The following TTC6 variants were observed in gnomAD, a reference collection of about 807,000 sequenced individuals.
TTC6 encodes tetratricopeptide repeat domain 6.
Under a neutral mutation model 210.4 loss-of-function variants are expected in TTC6, and 172 were observed. The ratio of observed to expected loss-of-function variants is 0.82; its 90% CI spans 0.72 to 0.93. The LOEUF (loss-of-function observed/expected upper bound fraction) is 0.93, where lower values mean the gene tolerates loss of function less well. Ranked by LOEUF, TTC6 falls within the 40% of genes least tolerant of loss-of-function variation. TTC6 has a pLI of 0.00. For synonymous variants in TTC6, 804 were observed against 819.6 expected (o/e 0.98, Z 0.32); for missense variants, 2,414 against 2,318.1 (o/e 1.04, Z -0.85).
chr14:37,720,913 T>C (rs1421179476), intron 6 of TTC6, among the ~76,000 whole-genome samples: 1 of 152,122 alleles, frequency 6.6e-6, no homozygotes, highest in Non-Finnish European at 1.5e-5. Context: ...GACTGTTTCA[T>C]GTCAACATGT....
exon 25 of TTC6, chr14:37,812,401 G>A (rs143081195): frequency 2.5e-5 from 40 of 1,612,558 alleles, no homozygotes; most frequent in African/African-American, 1.9e-4. Flanking sequence ...ACTCATCTAC[G>A]TAGAACTAGG....
At chr14:37,828,052 T>C (rs1364857392) in intron 29 of TTC6, 1 of 152,060 alleles carries the variant, frequency 6.6e-6, no homozygotes, top group Non-Finnish European at 1.5e-5. Context: ...CTCACCTTAA[T>C]TTATACTTTT....
At chr14:37,825,565 C>T (rs979069911) in intron 27 of TTC6, among the ~76,000 whole-genome samples, 3 of 152,138 alleles carry the variant, frequency 2.0e-5, no homozygotes, top group South Asian at 4.1e-4. Flanking sequence ...CTGGTCTTCT[C>T]TAGGAAGCAC....
At position 37,630,907 on chromosome 14, in the gene TTC6, G is replaced by GTTTT. The variant is rs746429138; in HGVS notation, c.939+7941_939+7944dup. Among the ~76,000 whole-genome samples, 11 of 33,070 alleles carry GTTTT rather than the reference G, an allele frequency of 3.3e-4. 1 individual carries two copies. The highest frequency in any genetic ancestry group is 4.1e-4 in the Non-Finnish European group (8 of 19,468). The allele number at this position is 33,070 out of a possible 152,430, so 21.7% of individuals were successfully genotyped here. A position where few individuals can be genotyped will look rare whatever the true frequency, so the allele number is the denominator to read the frequency against. On this transcript the variant is annotated intron_variant, in intron 1 of 30. Coordinates refer to ENST00000553443, the Ensembl canonical transcript of TTC6. ...GTCAGAGACTAGGATGGCAACCCCT[G>GTTTT]TTTTTTTTTTTTTTTTTTTTTTTTT...
intron 5 of TTC6, among the ~76,000 whole-genome samples, chr14:37,712,900 T>C (rs1299184076): frequency 6.6e-6 from 1 of 152,068 alleles, no homozygotes; most frequent in Non-Finnish European, 1.5e-5. Context: ...GTAATGGGAA[T>C]TTGGTGTTTT....
intron 1 of TTC6, among the ~76,000 whole-genome samples, chr14:37,647,093 A>T (rs2095702935): frequency 6.6e-6 from 1 of 151,986 alleles, no homozygotes. Flanking sequence ...TCTCTCACCC[A>T]CTGGCCAGAA....
chr14:37,796,287 C>G lies in TTC6; in HGVS notation c.3792-7C>G. ...TGCTTAGAATCAAAATCGATTATTT[C>G]TTCCAGAGGACAATATCTTCTTATG... On this transcript the variant is annotated splice_region_variant and splice_polypyrimidine_tract_variant and intron_variant, in intron 18 of 30. Coordinates refer to ENST00000553443, the Ensembl canonical transcript of TTC6. The G allele has an allele frequency of 1.7e-6, 2 of 1,208,592 alleles. No individual in the cohort carries two copies. Among genetic ancestry groups the G allele is most frequent in the Non-Finnish European group, 2.3e-6 (2 of 861,692 alleles). 74.9% of individuals were successfully genotyped at this position (1,208,592 alleles called of 1,614,324 possible).
intron 1 of TTC6, among the ~76,000 whole-genome samples, chr14:37,659,153 G>A (rs926573846): frequency 6.6e-6 from 1 of 151,808 alleles, no homozygotes; most frequent in Non-Finnish European, 1.5e-5. Context: ...TGGTATATAC[G>A]TACCACATTT....
intron 6 of TTC6, among the ~76,000 whole-genome samples, chr14:37,716,411 C>T (rs780148767): frequency 1.3e-5 from 2 of 151,920 alleles, no homozygotes; most frequent in African/African-American, 2.4e-5. Context: ...TGGATTAAAA[C>T]ACATGACCCA....
intron 1 of TTC6, among the ~76,000 whole-genome samples, chr14:37,605,821 T>A (rs1358245446): frequency 2.0e-5 from 3 of 152,126 alleles, no homozygotes; most frequent in Admixed American, 6.5e-5. Flanking sequence ...CCTGGCCAAG[T>A]ACACCTGCTT....
Position 37,642,897 on chromosome 14 carries a change from A to G in TTC6, c.939+19894A>G, listed in dbSNP as rs900344299. ...ACAGTGTAACTAATGTATCTAAACT[A>G]TGTAAACATAGAAAAGATAGAGTAA... On this transcript the variant is annotated intron_variant, in intron 1 of 30. Transcript: ENST00000553443. Among the ~76,000 whole-genome samples the G allele has an allele frequency of 2.0e-5, 3 of 152,238 alleles. No individual in the cohort carries two copies. The East Asian group carries it at 5.8e-4, about 29-fold the overall frequency.
rs569994419 is a variant in TTC6, at chr14:37,817,914, G to C, written c.4763+263G>C. On this transcript the variant is annotated intron_variant, in intron 26 of 30. Transcript: ENST00000553443. ...AATGCTTCCATCATGGCATTGGGCA[G>C]AGTTCACCTGATCCAAGCATAGGTG... 3.6e-4 allele frequency among the ~76,000 whole-genome samples: 55 copies of C among 152,306 alleles called. 1 individual carries two copies. The highest frequency in any genetic ancestry group is 1.2e-3 in the African/African-American group (51 of 41,576).
At chr14:37,732,256 C>T (rs1379290810) in intron 7 of TTC6, among the ~76,000 whole-genome samples, 2 of 137,630 alleles carry the variant, frequency 1.5e-5, no homozygotes, top group African/African-American at 2.8e-5. Context: ...GATCTAGGCT[C>T]ACTGCAAGCT....
chr14:37,672,821 A>ATTTTTTTTTTGTTTTTTTTTTTTTTTTT (rs2095760944), intron 1 of TTC6, among the ~76,000 whole-genome samples: 1 of 129,024 alleles, frequency 7.8e-6, no homozygotes, highest in African/African-American at 3.1e-5. Flanking sequence ...TGAATTCCTC[A>ATTTTTTTTTTGTTTTTTTTTTTTTTTTT]TTTTTTTTTT....
intron 14 of TTC6, among the ~76,000 whole-genome samples, chr14:37,778,108 A>G (rs1336999274): frequency 1.3e-5 from 2 of 151,430 alleles, no homozygotes; most frequent in African/African-American, 2.4e-5. Flanking sequence ...TGCCAGCAGC[A>G]GTGGCGGTAC....
chr14:37,707,303 A>G (rs965062656), intron 5 of TTC6, among the ~76,000 whole-genome samples: 2 of 152,048 alleles, frequency 1.3e-5, no homozygotes, highest in Non-Finnish European at 2.9e-5. Flanking sequence ...ATAGTACACT[A>G]TATTTCAGTA....
At chr14:37,678,251 C>T (rs1316188669) in intron 1 of TTC6, among the ~76,000 whole-genome samples, 1 of 152,114 alleles carries the variant, frequency 6.6e-6, no homozygotes, top group African/African-American at 2.4e-5. Context: ...GTTAATTTAG[C>T]ATGACTACTA....
At chr14:37,702,418 T>C (rs2138687317) in intron 5 of TTC6, among the ~76,000 whole-genome samples, 1 of 152,270 alleles carries the variant, frequency 6.6e-6, no homozygotes, top group East Asian at 1.9e-4. Context: ...TGAATGTATG[T>C]GCTTTATAAA....
intron 14 of TTC6, among the ~76,000 whole-genome samples, chr14:37,773,221 G>A (rs1295881993): frequency 6.6e-6 from 1 of 152,108 alleles, no homozygotes; most frequent in African/African-American, 2.4e-5. Flanking sequence ...TAGGTTGTCT[G>A]TTTACTCTGT....
Sources: gnomAD v4.1 joint callset for allele counts (sites outside exome capture counted in the v4.1 genomes callset) on GRCh38, gnomAD v4.1.1 for gene constraint, MANE v1.5 for transcripts, NCBI Gene and HGNC (gene_info 2026-07-23, HGNC 2026-07-21) for gene names.